ZCCHC2: variants seen among roughly 807,000 people sequenced by gnomAD.
The protein encoded by ZCCHC2 is zinc finger CCHC domain-containing protein 2.
A neutral mutation model predicts 103.6 loss-of-function variants in ZCCHC2; 39 were observed. The observed-to-expected ratio is 0.38, with a 90% confidence interval of 0.29 to 0.49. The LOEUF is 0.49. ZCCHC2 is among the 20% of genes least tolerant of loss of function. ZCCHC2 has a pLI of 0.96. For missense variants in ZCCHC2, 1,483 were observed against 1,491.0 expected, an observed-to-expected ratio of 0.99 and a Z score of 0.09; for synonymous variants, 687 against 608.9, an observed-to-expected ratio of 1.13 and a Z score of -1.89.
At chr18:62,556,321 G>T in intron 6 of ZCCHC2, 24 bp downstream of exon 6, 1 of 1,522,000 alleles carries the variant, frequency 6.6e-7, no homozygotes. Flanking sequence ...GTCCCTCTGT[G>T]GAAATCTTTT....
rs1387749884 is a variant in ZCCHC2, at chr18:62,578,563, T to TA, written c.*1991dup. On this transcript the variant is annotated 3_prime_UTR_variant, in exon 14 of 14. Coordinates refer to ENST00000269499, the MANE Select transcript of ZCCHC2 (RefSeq NM_017742.6). ...CCTTTTTTCCTTGAATTAACAGCAA[T>TA]AAAAAAATGAAAAACAGCTTAAGAA... The TA allele has an allele frequency of 2.6e-5, 4 of 152,690 alleles. No individual in the cohort carries two copies. The highest frequency in any genetic ancestry group is 9.6e-5 in the African/African-American group (4 of 41,554). 9.5% of individuals were successfully genotyped at this position (152,690 alleles called of 1,614,324 possible). A position where few individuals can be genotyped will look rare whatever the true frequency, so the allele number is the denominator to read the frequency against.
chr18:62,574,584 C>G lies in ZCCHC2; in HGVS notation c.2503C>G (p.Pro835Ala). Residue 835 changes from proline to alanine, a missense_variant, in exon 13 of 14, where the codon CCA becomes GCA. By Grantham distance (27) the Pro-to-Ala change is conservative. Around this residue, in one of 3 missense-constraint regions of ZCCHC2, gnomAD observed 884 missense variants for 907.5 expected, o/e 0.97. Transcript: ENST00000269499. Reference sequence around the variant, plus strand: ...CTGCACAGTTAACATCCCACAACAACCACCCGGAAGCCTGAGCATCGCATC... The same window carrying G: ...CTGCACAGTTAACATCCCACAACAAGCACCCGGAAGCCTGAGCATCGCATC... ...ESCTVNIPQQ[P>A]PGSLSIASPN... is the part of the protein sequence containing the mutation. 1 of 1,614,016 alleles carries G rather than the reference C, an allele frequency of 6.2e-7. No homozygotes were observed. Among genetic ancestry groups the G allele is most frequent in the Non-Finnish European group, 8.5e-7 (1 of 1,179,882 alleles).
At chr18:62,580,066 A>G (rs1319157853), downstream of ZCCHC2, among the ~76,000 whole-genome samples, 1 of 152,062 alleles carries the variant, frequency 6.6e-6, no homozygotes, top group East Asian at 1.9e-4. Flanking sequence ...TTCCCCACAC[A>G]CTGCTCCTAA....
At chr18:62,586,601 CCGA>C (rs1244593818) in exon 15 of ZCCHC2, 2 of 152,114 alleles carry the variant, frequency 1.3e-5, no homozygotes, top group African/African-American at 4.8e-5. Flanking sequence ...CAACCCACCA[CCGA>C]CAAGCTAAGA....
exon 15 of ZCCHC2, chr18:62,586,707 A>G (rs139168500): frequency 2.0e-4 from 31 of 152,280 alleles, no homozygotes; most frequent in African/African-American, 7.2e-4. Flanking sequence ...GTGTCTACAA[A>G]TAAAGTGCAT....
chr18:62,551,418 G>A (rs1233655182), intron 5 of ZCCHC2: 1 of 152,258 alleles, frequency 6.6e-6, no homozygotes, highest in Non-Finnish European at 1.5e-5. Context: ...ATTTGTCCTG[G>A]ATGGGGCTTT....
At chr18:62,534,017 T>G (rs1300957929) in intron 1 of ZCCHC2, among the ~76,000 whole-genome samples, 1 of 152,244 alleles carries the variant, frequency 6.6e-6, no homozygotes, top group African/African-American at 2.4e-5. Context: ...GAATTGTTTC[T>G]TTATATAAAA....
intron 3 of ZCCHC2, among the ~76,000 whole-genome samples, chr18:62,544,036 A>G (rs1915310956): frequency 6.6e-6 from 1 of 152,254 alleles, no homozygotes; most frequent in African/African-American, 2.4e-5. Context: ...CTGATTACTT[A>G]TAAGTTGGTA....
chr18:62,544,804 A>G lies in ZCCHC2; in HGVS notation c.1131A>G (p.Val377=). 1 of 1,544,362 alleles carries G rather than the reference A, an allele frequency of 6.5e-7. No individual in the cohort carries two copies. The highest frequency in any genetic ancestry group is 1.2e-5 in the South Asian group (1 of 81,042). The change falls in exon 4 of 14, where the codon GTA becomes GTG. Residue 377 remains valine, a splice_region_variant and synonymous_variant. Coordinates refer to ENST00000269499, the MANE Select transcript of ZCCHC2 (RefSeq NM_017742.6). ...ADKYWEYTFK[V]NWSDLSVTTV... is the part of the protein sequence containing the mutation. ...TATGTGTGTTTTTTTTAAATCAGGT[A>G]AATTGGTCTGATCTTTCAGTCACAA...
chr18:62,582,378 T>C (rs1917058695), downstream of ZCCHC2, among the ~76,000 whole-genome samples: 1 of 152,240 alleles, frequency 6.6e-6, no homozygotes, highest in African/African-American at 2.4e-5. Context: ...GAATTGCTCT[T>C]TTAAATTATG....
rs777153357 is a variant in ZCCHC2 at position 62,574,061 on chromosome 18, A to C, written c.1980A>C (p.Thr660=). The C allele has an allele frequency of 6.2e-7, 1 of 1,611,662 alleles. No individual in the cohort carries two copies. Among genetic ancestry groups the C allele is most frequent in the East Asian group, 2.2e-5 (1 of 44,876 alleles). Residue 660 remains threonine (T), a synonymous_variant, in exon 13 of 14, where the codon ACA becomes ACC. Coordinates refer to ENST00000269499, the MANE Select transcript of ZCCHC2 (RefSeq NM_017742.6). ...CTTTATGTTTGTTTTCTTTAGACAC[A>C]GACAGCAATTCTGAGGATTCTGGGA... ...FESEEEKDRD[T]DSNSEDSGNP... is the part of the protein sequence containing the mutation.
rs145764263 is a variant in ZCCHC2, at chr18:62,578,413, T to C, written c.*1834T>C. On this transcript the variant is annotated 3_prime_UTR_variant, in exon 14 of 14. Transcript: ENST00000269499. The stretch of plus-strand genomic sequence containing the variant: ...GAGCTTATTTTATGATTTAAAATAC[T>C]GTACTGTACATAGGAGGTATGTTAC... 160 of 152,774 alleles carry C rather than the reference T, an allele frequency of 1.0e-3. No homozygotes were observed. Among genetic ancestry groups the C allele is most frequent in the African/African-American group, 3.7e-3 (155 of 41,580 alleles). 9.5% of individuals were successfully genotyped at this position (152,774 alleles called of 1,614,324 possible).
intron 13 of ZCCHC2, among the ~76,000 whole-genome samples, chr18:62,575,838 T>C (rs192166924): frequency 1.3e-5 from 2 of 152,238 alleles, no homozygotes; most frequent in Non-Finnish European, 2.9e-5. Flanking sequence ...GTTAAATCTC[T>C]TGCTTGCAGC....
At chr18:62,566,743 A>G (rs1419047549) in intron 11 of ZCCHC2, among the ~76,000 whole-genome samples, 1 of 152,198 alleles carries the variant, frequency 6.6e-6, no homozygotes, top group Non-Finnish European at 1.5e-5. Context: ...CAGTTTATTA[A>G]GCATGTGACC....
downstream of ZCCHC2, among the ~76,000 whole-genome samples, chr18:62,582,275 T>G (rs930132360): frequency 3.3e-5 from 5 of 152,224 alleles, no homozygotes; most frequent in Admixed American, 6.5e-5. Flanking sequence ...ACTAAGGTGT[T>G]GGCCGTGGGA....
At chr18:62,566,762 G>C (rs1048021729) in intron 11 of ZCCHC2, among the ~76,000 whole-genome samples, 1 of 152,208 alleles carries the variant, frequency 6.6e-6, no homozygotes, top group Non-Finnish European at 1.5e-5. Context: ...CCTCTCTGAT[G>C]CCTTTGTTTG....
intron 4 of ZCCHC2, among the ~76,000 whole-genome samples, chr18:62,548,662 C>T (rs1024892483): frequency 1.3e-5 from 2 of 152,172 alleles, no homozygotes; most frequent in African/African-American, 4.8e-5. Flanking sequence ...GTGGCTCACG[C>T]CTGTAATCCC....
intron 1 of ZCCHC2, 84 bp downstream of exon 1, chr18:62,524,447 C>T (rs1300317623): frequency 2.1e-5 from 29 of 1,406,416 alleles, no homozygotes; most frequent in Admixed American, 3.3e-5. Context: ...ACGCCCCTTG[C>T]CCGAGCCCCA....
At chr18:62,584,747 C>T (rs8096512) in exon 15 of ZCCHC2, 117,180 of 152,300 alleles carry the variant, frequency 0.77, 46,282 homozygotes, top group East Asian at 1. Flanking sequence ...GCTTTTCCTG[C>T]GTGCATTTGG....
Sources: gnomAD v4.1 joint callset for allele counts (sites outside exome capture counted in the v4.1 genomes callset) on GRCh38, gnomAD v4.1.1 for gene constraint, gnomAD v4.1.1 regional missense constraint, MANE v1.5 for transcripts, NCBI Gene and HGNC (gene_info 2026-07-23, HGNC 2026-07-21) for gene names.